The following COPS3 variants were observed in gnomAD, a reference collection of about 807,000 sequenced individuals.
COPS3 encodes the protein COP9 signalosome subunit 3.
COPS3 carries 10 observed loss-of-function variants against 58.2 expected under a neutral mutation model. That is an observed-to-expected ratio of 0.17 (90% confidence interval 0.11 to 0.29). The LOEUF is 0.29. COPS3 is among the 10% of genes least tolerant of loss of function. The probability of loss-of-function intolerance (pLI) is 1.00; values close to 1 mark genes in which losing one functional copy is unlikely to be tolerated. For synonymous variants in COPS3, 187 were observed against 181.7 expected, an observed-to-expected ratio of 1.03 and a Z score of -0.24; for missense variants, 333 against 510.1, an observed-to-expected ratio of 0.65 and a Z score of 3.34.
rs1329182783 is a variant in COPS3 at position 17,247,043 on chromosome 17, T to C, written c.*55A>G. The C allele has an allele frequency of 2.5e-5, 38 of 1,519,992 alleles. No homozygotes were observed. The South Asian group carries it at 3.0e-4, about 12-fold the overall frequency. 94.2% of individuals were successfully genotyped at this position (1,519,992 alleles called of 1,614,324 possible). A position where few individuals can be genotyped will look rare whatever the true frequency, so the allele number is the denominator to read the frequency against. ...GTCCTCTCTGCTGCCCTCCGAACAC[T>C]TGTCACTGGCCAAGATGGTAGTTTC... On this transcript the variant is annotated 3_prime_UTR_variant, in exon 12 of 12. Transcript: ENST00000268717.
intron 1 of COPS3, among the ~76,000 whole-genome samples, chr17:17,279,841 GT>G (rs1349674856): frequency 6.6e-6 from 1 of 152,208 alleles, no homozygotes; most frequent in African/African-American, 2.4e-5. Flanking sequence ...GCACGGGATA[GT>G]TAAAAGGGCC....
At position 17,247,571 on chromosome 17, in the gene COPS3, G is replaced by T; in HGVS notation, c.1138-11C>A. The T allele has an allele frequency of 6.2e-7, 1 of 1,614,038 alleles. No homozygotes were observed. The highest frequency in any genetic ancestry group is 8.5e-7 in the Non-Finnish European group (1 of 1,179,952). On this transcript the variant is annotated splice_polypyrimidine_tract_variant and intron_variant, in intron 10 of 11. Transcript: ENST00000268717. The stretch of plus-strand genomic sequence containing the variant: ...AATGCACTTCAGCATCTGCATGACA[G>T]GCACATTAGAAGGTGGTCAGCGGCG...
chr17:17,261,858 T>C (rs1475832554), intron 7 of COPS3, 108 bp downstream of exon 7: 1 of 890,342 alleles, frequency 1.1e-6, no homozygotes, highest in African/African-American at 1.7e-5. Context: ...CTGAAGCTGC[T>C]AGGAGAGCTA....
chr17:17,264,314 A>AC (rs2048175359), intron 6 of COPS3, among the ~76,000 whole-genome samples: 3 of 150,398 alleles, frequency 2.0e-5, no homozygotes, highest in South Asian at 4.3e-4. Context: ...AGAATATTCT[A>AC]CCAAATTGTG....
chr17:17,279,422 C>T (rs779719165), intron 1 of COPS3, among the ~76,000 whole-genome samples: 1 of 152,176 alleles, frequency 6.6e-6, no homozygotes, highest in African/African-American at 2.4e-5. Flanking sequence ...GGAAGGAGAA[C>T]ACTAAGTATT....
intron 8 of COPS3, among the ~76,000 whole-genome samples, chr17:17,256,845 C>T (rs2047987810): frequency 6.6e-6 from 1 of 152,136 alleles, no homozygotes. Flanking sequence ...CCTGCCTCAG[C>T]TCCCCAAAGT....
chr17:17,266,930 A>T (rs936662276), intron 5 of COPS3, among the ~76,000 whole-genome samples: 1 of 151,014 alleles, frequency 6.6e-6, no homozygotes, highest in Non-Finnish European at 1.5e-5. Context: ...CTGGTCTGGA[A>T]CTCCGGACCT....
At chr17:17,267,327 CAAAAAAAAAAA>C (rs778325363) in intron 5 of COPS3, among the ~76,000 whole-genome samples, 5 of 50,378 alleles carry the variant, frequency 9.9e-5, no homozygotes, top group African/African-American at 4.2e-4. Context: ...GACTCCGTCT[CAAAAAAAAAAA>C]AAAAAAAAAG....
chr17:17,278,673 A>T (rs2048510859), intron 1 of COPS3, among the ~76,000 whole-genome samples: 3 of 152,172 alleles, frequency 2.0e-5, no homozygotes, highest in Admixed American at 2.0e-4. Flanking sequence ...TAACACCCAG[A>T]AATAAGCATT....
At position 17,249,049 on chromosome 17, in the gene COPS3, G is replaced by GAAAA; in HGVS notation, c.1024-14_1024-11dup. 1 of 1,205,288 alleles carries GAAAA rather than the reference G, an allele frequency of 8.3e-7. No individual in the cohort carries two copies. The highest frequency in any genetic ancestry group is 1.6e-5 in the African/African-American group (1 of 60,686). The allele number at this position is 1,205,288 out of a possible 1,614,324, so 74.7% of individuals were successfully genotyped here. On this transcript the variant is annotated splice_polypyrimidine_tract_variant and intron_variant, in intron 9 of 11. Transcript: ENST00000268717. ...TCTCACCATCTTCTATCTGCAGAAAGAAAAAAAAAAAAATCAGGAAAGCAG... is the reference window on the plus strand; with the variant it reads ...TCTCACCATCTTCTATCTGCAGAAAGAAAAAAAAAAAAAAAAATCAGGAAAGCAG...
At chr17:17,257,761 C>T (rs796558501) in intron 8 of COPS3, among the ~76,000 whole-genome samples, 138 of 145,572 alleles carry the variant, frequency 9.5e-4, no homozygotes, top group African/African-American at 3.5e-3. Context: ...CGAGCCACTG[C>T]ACTCCAGCCT....
intron 1 of COPS3, 134 bp from the exon 2 acceptor site, chr17:17,276,298 G>T (rs947504913): frequency 1.1e-5 from 13 of 1,152,858 alleles, no homozygotes; most frequent in Admixed American, 2.2e-5. Flanking sequence ...TTCGGATGAG[G>T]ATCCAGAAGG....
chr17:17,264,943 T>C lies in COPS3; in HGVS notation c.480A>G (p.Pro160=). The C allele has an allele frequency of 6.2e-7, 1 of 1,613,338 alleles. No individual in the cohort carries two copies. The highest frequency in any genetic ancestry group is 8.5e-7 in the Non-Finnish European group (1 of 1,179,870). ...TATCCATCATATCCACGTCAAGATA[T>C]GGAAGGGCAGGCTTAAAGCATTTTG... ...LLAKCFKPAL[P]YLDVDMMDIC... is the part of the protein sequence containing the mutation. The change falls in exon 6 of 12, where the codon CCA becomes CCG. Residue 160 remains proline (P), a synonymous_variant. Transcript: ENST00000268717.
Position 17,247,550 on chromosome 17 carries a change from C to T in COPS3, c.1148G>A (p.Cys383Tyr). The T allele has an allele frequency of 1.2e-6, 2 of 1,614,198 alleles. No individual in the cohort carries two copies. The highest frequency in any genetic ancestry group is 1.7e-6 in the Non-Finnish European group (2 of 1,180,040). The change falls in exon 11 of 12, where the codon TGC becomes TAC. Residue 383 changes from cysteine (C) to tyrosine (Y), a missense_variant. Physicochemically the swap from Cys to Tyr is radical, Grantham distance 194. Coordinates refer to ENST00000268717, the MANE Select transcript of COPS3 (RefSeq NM_003653.4). ...LHNIDQEMLKCIELDERLKAM... is the reference protein window; with the variant it reads ...LHNIDQEMLKYIELDERLKAM... ...TTTCAGCCGCTCATCCAGCTCAATG[C>T]ACTTCAGCATCTGCATGACAGGCAC...
In COPS3 at chr17:17,268,843, ACAAC is replaced by A. The variant is rs760156884; in HGVS notation, c.349-870_349-867del. 7.9e-3 allele frequency among the ~76,000 whole-genome samples: 1,157 copies of A among 145,692 alleles called. 6 individuals carry two copies. The highest frequency in any genetic ancestry group is 0.022 in the Middle Eastern group (6 of 276). On this transcript the variant is annotated intron_variant, in intron 4 of 11. Coordinates refer to ENST00000268717, the MANE Select transcript of COPS3 (RefSeq NM_003653.4). ...CAAAAAAACAACAACAACAACAACAACAACAAAAATATATATATATATATGTGAA... is the reference window on the plus strand; with the variant it reads ...CAAAAAAACAACAACAACAACAACAAAAAAATATATATATATATATGTGAA...
intron 8 of COPS3, among the ~76,000 whole-genome samples, chr17:17,259,051 T>C (rs1177969108): frequency 6.6e-6 from 1 of 152,124 alleles, no homozygotes; most frequent in Non-Finnish European, 1.5e-5. Flanking sequence ...CTCTCTTCTC[T>C]AGCTTCTCCA....
chr17:17,263,197 A>C (rs1375382872), intron 6 of COPS3, among the ~76,000 whole-genome samples: 1 of 149,954 alleles, frequency 6.7e-6, no homozygotes, highest in African/African-American at 2.4e-5. Flanking sequence ...CTGAGGCAGG[A>C]GAATGGTGTG....
At chr17:17,248,624 GT>G (rs1567843815) in intron 10 of COPS3, among the ~76,000 whole-genome samples, 1 of 151,932 alleles carries the variant, frequency 6.6e-6, no homozygotes, top group African/African-American at 2.4e-5. Context: ...GCCTGGAAGA[GT>G]TTTAAGCAGC....
Position 17,247,134 on chromosome 17 carries a change from T to A in COPS3, c.1236A>T (p.Glu412Asp), listed in dbSNP as rs759420308. Residue 412 changes from glutamate (E) to aspartate (D), a missense_variant, in exon 12 of 12, where the codon GAA (glutamate) becomes GAT (aspartate). By Grantham distance (45) the Glu-to-Asp change is conservative. Transcript: ENST00000268717. The part of the protein sequence containing the change: ...QFVQKSMGSQ[E>D]DDSGNKPSSY... ...TGGATGGTTTGTTTCCTGAATCATCTTCTTGTGAGCCCATACTCTGTAAAG... is the reference window on the plus strand; with the variant it reads ...TGGATGGTTTGTTTCCTGAATCATCATCTTGTGAGCCCATACTCTGTAAAG... 2.1e-5 allele frequency: 34 copies of A among 1,613,850 alleles called. No individual in the cohort carries two copies. Among genetic ancestry groups the A allele is most frequent in the Middle Eastern group, 3.3e-4 (2 of 6,084 alleles).
Sources: gnomAD v4.1 joint callset for allele counts (sites outside exome capture counted in the v4.1 genomes callset) on GRCh38, gnomAD v4.1.1 for gene constraint, MANE v1.5 for transcripts, NCBI Gene and HGNC (gene_info 2026-07-23, HGNC 2026-07-21) for gene names.